Variants in TEX11 observed in about 807,000 individuals in gnomAD.
TEX11 encodes the protein testis expressed 11, also known as testis-expressed protein 11.
TEX11 carries 7 observed loss-of-function variants against 84.4 expected under a neutral mutation model. The ratio of observed to expected loss-of-function variants is 0.08; its 90% CI spans 0.05 to 0.16. The LOEUF is 0.16. TEX11 is among the 10% of genes least tolerant of loss of function. TEX11 has a pLI of 1.00. For missense variants in TEX11, 551 were observed against 660.5 expected (o/e 0.83, Z 1.82); for synonymous variants, 264 against 222.8 (o/e 1.18, Z -1.64).
chrX:70,686,013 G>A (rs1187340286), intron 13 of TEX11, among the ~76,000 whole-genome samples: 1 of 110,530 alleles, frequency 9.0e-6, no homozygotes, highest in Non-Finnish European at 1.9e-5. Flanking sequence ...TTCTCATTCT[G>A]TAGGTTGCCT....
intron 14 of TEX11, among the ~76,000 whole-genome samples, chrX:70,680,450 G>A (rs2090137628): frequency 2.4e-5 from 2 of 84,929 alleles, no homozygotes; most frequent in African/African-American, 8.8e-5. Flanking sequence ...ACTGCGGAAG[G>A]CCGCAGGGTC....
At chrX:70,614,841 A>C (rs915915044) in intron 20 of TEX11, among the ~76,000 whole-genome samples, 3 of 109,885 alleles carry the variant, frequency 2.7e-5, no homozygotes, top group South Asian at 3.9e-4. Context: ...AGAAAGAGCG[A>C]GAGAGAGAGA....
chrX:70,780,737 T>G (rs1252880766), intron 9 of TEX11, among the ~76,000 whole-genome samples: 3 of 112,741 alleles, frequency 2.7e-5, no homozygotes, highest in Non-Finnish European at 5.6e-5. Flanking sequence ...ACTGCAAGGC[T>G]GCAGCCTGGC....
At chrX:70,848,914 C>G (rs927402508) in intron 7 of TEX11, among the ~76,000 whole-genome samples, 6 of 111,282 alleles carry the variant, frequency 5.4e-5, no homozygotes, top group Non-Finnish European at 9.4e-5. Flanking sequence ...AACATACGAC[C>G]CTTGCATCTG....
intron 3 of TEX11, among the ~76,000 whole-genome samples, chrX:70,877,298 AAAAAAC>A (rs1247969415): frequency 8.6e-4 from 95 of 110,593 alleles, no homozygotes; most frequent in Middle Eastern, 4.7e-3. Flanking sequence ...TCTTAAAAAA[AAAAAAC>A]AAAAACAAAA....
chrX:70,560,588 T>C (rs1291335727), intron 25 of TEX11, among the ~76,000 whole-genome samples: 1 of 112,087 alleles, frequency 8.9e-6, no homozygotes, highest in Non-Finnish European at 1.9e-5. Context: ...TCTTTTTCTT[T>C]TCTCAACGGT....
chrX:70,833,346 C>T (rs1413578832), intron 8 of TEX11, among the ~76,000 whole-genome samples, 167 bp downstream of exon 8: 2 of 110,662 alleles, frequency 1.8e-5, no homozygotes, highest in Non-Finnish European at 3.8e-5. Flanking sequence ...TTTTCAAATG[C>T]CCTTTCTGGT....
intron 3 of TEX11, among the ~76,000 whole-genome samples, chrX:70,874,494 C>T (rs1399789114): frequency 4.8e-5 from 5 of 103,846 alleles, no homozygotes; most frequent in East Asian, 3.1e-4. Flanking sequence ...CACCACCTCC[C>T]GGGTTCAAGT....
the TEX11 span, among the ~76,000 whole-genome samples, chrX:70,518,467 A>T: frequency 8.9e-6 from 1 of 112,076 alleles, no homozygotes; most frequent in Non-Finnish European, 1.9e-5. Context: ...TTCTAATTTG[A>T]TTGCACTGTG....
intron 21 of TEX11, among the ~76,000 whole-genome samples, 180 bp downstream of exon 21, chrX:70,610,323 A>G (rs765508280): frequency 3.1e-4 from 34 of 111,202 alleles, no homozygotes; most frequent in African/African-American, 1.1e-3. Flanking sequence ...GCTAATGATG[A>G]CACACTTTTC....
intron 28 of TEX11, among the ~76,000 whole-genome samples, chrX:70,545,362 T>A (rs1214525337): frequency 8.9e-6 from 1 of 112,176 alleles, no homozygotes; most frequent in Non-Finnish European, 1.9e-5. Flanking sequence ...AAAAAACTTT[T>A]AAAACTTTTT....
At chrX:70,549,103 T>A (rs2088178541) in intron 28 of TEX11, among the ~76,000 whole-genome samples, 1 of 111,266 alleles carries the variant, frequency 9.0e-6, no homozygotes, top group Non-Finnish European at 1.9e-5. Context: ...CTTGGCATAG[T>A]CATGAAGGTC....
intron 16 of TEX11, 30 bp from the exon 17 acceptor site, chrX:70,651,582 T>G (rs751920551): frequency 9.1e-7 from 1 of 1,099,020 alleles, no homozygotes; most frequent in Non-Finnish European, 1.2e-6. Flanking sequence ...GTCATTTTAA[T>G]AAAATCTACA....
At chrX:70,558,693 C>T (rs182416177) in intron 25 of TEX11, among the ~76,000 whole-genome samples, 1,576 of 111,390 alleles carry the variant, frequency 0.014, 28 homozygotes, top group Admixed American at 0.067. Context: ...ATCTAGAATA[C>T]ATAAATAACT....
intron 25 of TEX11, 142 bp from the exon 26 acceptor site, chrX:70,554,942 G>T: frequency 2.0e-6 from 1 of 509,500 alleles, no homozygotes; most frequent in Non-Finnish European, 2.9e-6. Flanking sequence ...CACTGCTGTA[G>T]ACAGATTCTA....
intron 8 of TEX11, among the ~76,000 whole-genome samples, chrX:70,812,618 G>A (rs1052008228): frequency 9.0e-6 from 1 of 111,172 alleles, no homozygotes; most frequent in Non-Finnish European, 1.9e-5. Flanking sequence ...GAAGGAGATA[G>A]AGACACAAAA....
chrX:70,856,027 T>C (rs183136178), intron 5 of TEX11, among the ~76,000 whole-genome samples: 41 of 111,457 alleles, frequency 3.7e-4, no homozygotes, highest in Admixed American at 2.4e-3. Flanking sequence ...CTAAGATACA[T>C]AGAGGGAACC....
chrX:70,718,432 T>G, intron 13 of TEX11, among the ~76,000 whole-genome samples: 1 of 111,761 alleles, frequency 8.9e-6, no homozygotes, highest in South Asian at 3.7e-4. Flanking sequence ...CAAAAGCATT[T>G]CCCCAAAAAA....
rs745378295 is a variant in TEX11 at position 70,836,342 on chromosome X, T to C, written c.526-2749A>G. Among the ~76,000 whole-genome samples the C allele has an allele frequency of 5.4e-5, 6 of 111,164 alleles. No individual in the cohort carries two copies. In the South Asian group the frequency reaches 2.3e-3, roughly 42 times the overall value. On this transcript the variant is annotated intron_variant, in intron 7 of 29. Transcript: ENST00000374333. ...AAAGAAATCAATCAACTGGACTTCATCAAAACTGTATTCTGTGACCCTATT... is the reference window on the plus strand; with the variant it reads ...AAAGAAATCAATCAACTGGACTTCACCAAAACTGTATTCTGTGACCCTATT...
Sources: allele counts gnomAD v4.1 joint callset (sites outside exome capture counted in the v4.1 genomes callset), GRCh38; gene constraint gnomAD v4.1.1; transcripts MANE v1.5; gene names NCBI Gene and HGNC (gene_info 2026-07-23, HGNC 2026-07-21).